Variants in IL1RAPL1 observed in about 807,000 individuals in gnomAD.
The protein encoded by IL1RAPL1 is interleukin 1 receptor accessory protein like 1.
Under a neutral mutation model 48.4 loss-of-function variants are expected in IL1RAPL1, and 3 were observed. The ratio of observed to expected loss-of-function variants is 0.06; its 90% CI spans 0.03 to 0.16. IL1RAPL1 has a LOEUF of 0.16. IL1RAPL1 is among the 10% of genes least tolerant of loss of function. The pLI is 1.00. For synonymous variants in IL1RAPL1, 185 were observed against 187.7 expected (o/e 0.99, Z 0.12); for missense variants, 349 against 530.6 (o/e 0.66, Z 3.36).
intron 1 of IL1RAPL1, among the ~76,000 whole-genome samples, chrX:28,750,066 C>T (rs1936023933): frequency 9.2e-6 from 1 of 108,947 alleles, no homozygotes. Flanking sequence ...AATTCTCCTG[C>T]CTCAGCCTCC....
At chrX:29,770,290 A>G (rs939640867) in intron 6 of IL1RAPL1, among the ~76,000 whole-genome samples, 17 of 111,759 alleles carry the variant, frequency 1.5e-4, no homozygotes, top group African/African-American at 5.5e-4. Flanking sequence ...GTGCATGTCT[A>G]TTTCCTCCTC....
chrX:29,681,675 T>C (rs1926454455), intron 6 of IL1RAPL1, among the ~76,000 whole-genome samples: 1 of 112,254 alleles, frequency 8.9e-6, no homozygotes, highest in Non-Finnish European at 1.9e-5. Flanking sequence ...AATTTACTTG[T>C]GAAAATGTGC....
chrX:28,710,007 T>C (rs923224685), intron 1 of IL1RAPL1, among the ~76,000 whole-genome samples: 14 of 111,915 alleles, frequency 1.3e-4, no homozygotes, highest in African/African-American at 4.5e-4. Context: ...GGCTCATCTA[T>C]TTTTATAGAC....
Position 28,969,269 on chromosome X carries a change from AAATT to A in IL1RAPL1, c.82+179849_82+179852del, listed in dbSNP as rs1158611242. On this transcript the variant is annotated intron_variant, in intron 2 of 10. Coordinates refer to ENST00000378993, the MANE Select transcript of IL1RAPL1 (RefSeq NM_014271.4). The stretch of plus-strand genomic sequence containing the variant: ...ACCTACAGAGACAAACATGTGTTTG[AAATT>A]AATTGTGTTATTCCAGATTTTTCTT... 4.5e-5 allele frequency among the ~76,000 whole-genome samples: 5 copies of A among 111,907 alleles called. No individual in the cohort carries two copies. The Admixed American group carries it at 4.8e-4, about 11-fold the overall frequency.
At chrX:28,959,451 A>G (rs1474141220) in intron 2 of IL1RAPL1, among the ~76,000 whole-genome samples, 6 of 111,875 alleles carry the variant, frequency 5.4e-5, no homozygotes, top group Non-Finnish European at 1.1e-4. Context: ...TCTCCAGTAT[A>G]AGAGAGTGTT....
chrX:29,672,802 A>G (rs1569143005), intron 6 of IL1RAPL1, among the ~76,000 whole-genome samples: 1 of 111,659 alleles, frequency 9.0e-6, no homozygotes, highest in East Asian at 2.8e-4. Flanking sequence ...AAGCTGCCCA[A>G]CCGTGCTCTT....
intron 1 of IL1RAPL1, among the ~76,000 whole-genome samples, chrX:28,601,799 A>C (rs1379452559): frequency 1.8e-5 from 2 of 110,404 alleles, no homozygotes; most frequent in Non-Finnish European, 3.8e-5. Context: ...TTTTTTTGGA[A>C]TAATAATAAT....
At position 29,608,636 on chromosome X, in the gene IL1RAPL1, C is replaced by T. The variant is rs369907964; in HGVS notation, c.704-59794C>T. 4.4e-3 allele frequency among the ~76,000 whole-genome samples: 470 copies of T among 107,132 alleles called. 5 individuals carry two copies. The highest frequency in any genetic ancestry group is 0.015 in the African/African-American group (440 of 28,915). 93.0% of individuals were successfully genotyped at this position (107,132 alleles called of 115,157 possible). ...GGTCAGGAGATCGAGACCATCCTGG[C>T]TAACACGGTGAAACCCCGTCTCTAC... is the stretch of plus-strand genomic sequence containing the variant. On this transcript the variant is annotated intron_variant, in intron 5 of 10. Coordinates refer to ENST00000378993, the MANE Select transcript of IL1RAPL1 (RefSeq NM_014271.4).
chrX:29,419,616 C>T (rs1056528136), intron 5 of IL1RAPL1, among the ~76,000 whole-genome samples: 3 of 111,844 alleles, frequency 2.7e-5, no homozygotes, highest in Admixed American at 1.9e-4. Context: ...CCACCGTGCC[C>T]GGCCTACTCA....
At chrX:29,592,416 C>T (rs1054948358) in intron 5 of IL1RAPL1, among the ~76,000 whole-genome samples, 5 of 110,906 alleles carry the variant, frequency 4.5e-5, no homozygotes, top group African/African-American at 1.6e-4. Flanking sequence ...TCACCAGTGT[C>T]CACAGAGAGG....
Position 28,934,837 on chromosome X carries a change from T to C in IL1RAPL1, c.82+145412T>C, listed in dbSNP as rs140481140. 7.6e-3 allele frequency among the ~76,000 whole-genome samples: 856 copies of C among 112,243 alleles called. 4 individuals are homozygous for C. Among genetic ancestry groups the C allele is most frequent in the Non-Finnish European group, 0.013 (709 of 53,196 alleles). The stretch of plus-strand genomic sequence containing the variant: ...GTTTTTGCCTGTTATAATGCTACTA[T>C]GAACATCATTTACAAGTTATTGATG... On this transcript the variant is annotated intron_variant, in intron 2 of 10. Transcript: ENST00000378993.
chrX:29,228,544 G>A (rs758075965), intron 2 of IL1RAPL1, among the ~76,000 whole-genome samples: 1 of 109,532 alleles, frequency 9.1e-6, no homozygotes, highest in Non-Finnish European at 1.9e-5. Context: ...TAGTAGAGAT[G>A]CGGTTTCACC....
At chrX:29,703,996 T>A (rs767884781) in intron 6 of IL1RAPL1, among the ~76,000 whole-genome samples, 12 of 111,730 alleles carry the variant, frequency 1.1e-4, no homozygotes, top group African/African-American at 3.9e-4. Flanking sequence ...AATCATAGCT[T>A]ACTGCGACTT....
At chrX:29,627,901 A>AT (rs1924661929) in intron 5 of IL1RAPL1, among the ~76,000 whole-genome samples, 1 of 112,252 alleles carries the variant, frequency 8.9e-6, no homozygotes, top group African/African-American at 3.2e-5. Flanking sequence ...ATTCTAATAA[A>AT]TGGTGTCAAG....
intron 1 of IL1RAPL1, among the ~76,000 whole-genome samples, chrX:28,762,819 CACACAGAG>C (rs1294751623): frequency 0.011 from 418 of 39,190 alleles, 10 homozygotes; most frequent in Admixed American, 0.081. Flanking sequence ...CACACACACA[CACACAGAG>C]AGAGAGAGAG....
intron 3 of IL1RAPL1, among the ~76,000 whole-genome samples, chrX:29,326,343 C>G (rs1932842445): frequency 8.9e-6 from 1 of 112,002 alleles, no homozygotes; most frequent in Non-Finnish European, 1.9e-5. Flanking sequence ...TATGTCTTTC[C>G]AAGGACTCTG....
At chrX:28,941,951 G>A (rs1352928860) in intron 2 of IL1RAPL1, 2 of 108,954 alleles carry the variant, frequency 1.8e-5, no homozygotes, top group East Asian at 5.7e-4. Context: ...GATAATACTT[G>A]AGTCTGCTAA....
At chrX:29,410,771 C>CA (rs779553750) in intron 5 of IL1RAPL1, among the ~76,000 whole-genome samples, 67 of 111,992 alleles carry the variant, frequency 6.0e-4, no homozygotes, top group African/African-American at 1.8e-3. Context: ...TATTGAAGTA[C>CA]AAAAAAGTTA....
At chrX:29,321,421 C>T (rs1268744172) in intron 3 of IL1RAPL1, among the ~76,000 whole-genome samples, 1 of 111,897 alleles carries the variant, frequency 8.9e-6, no homozygotes, top group Non-Finnish European at 1.9e-5. Flanking sequence ...TAAAAGGAAG[C>T]AACCCTTTAG....
Sources: allele counts gnomAD v4.1 joint callset (sites outside exome capture counted in the v4.1 genomes callset), GRCh38; gene constraint gnomAD v4.1.1; transcripts MANE v1.5; gene names NCBI Gene and HGNC (gene_info 2026-07-23, HGNC 2026-07-21).